ZMIZ1: variants seen among roughly 807,000 people sequenced by gnomAD.
ZMIZ1 encodes zinc finger MIZ-type containing 1.
In ZMIZ1, 17 loss-of-function variants were observed where a neutral mutation model predicts 113.9. The observed-to-expected ratio is 0.15, with a 90% CI of 0.10 to 0.22. The LOEUF is 0.22. Ranked by LOEUF, ZMIZ1 falls within the 10% of genes least tolerant of loss-of-function variation. The probability of loss-of-function intolerance (pLI) is 1.00; values close to 1 mark genes in which losing one functional copy is unlikely to be tolerated. For missense variants in ZMIZ1, 1,059 were observed against 1,477.8 expected, an observed-to-expected ratio of 0.72 and a Z score of 4.65; for synonymous variants, 607 against 603.1, an observed-to-expected ratio of 1.01 and a Z score of -0.09.
intron 7 of ZMIZ1, among the ~76,000 whole-genome samples, chr10:79,265,403 G>C (rs113394217): frequency 0.012 from 1,758 of 151,936 alleles, 40 homozygotes; most frequent in African/African-American, 0.04. Context: ...GGGGGTGGGG[G>C]CAGCAGAGAC....
chr10:79,300,517 G>A (rs547850886), intron 16 of ZMIZ1, among the ~76,000 whole-genome samples: 5 of 152,232 alleles, frequency 3.3e-5, no homozygotes, highest in South Asian at 2.1e-4. Flanking sequence ...GGAATGATTG[G>A]TGTGCGGGGG....
chr10:79,103,981 G>A (rs11002820), intron 1 of ZMIZ1, among the ~76,000 whole-genome samples: 34,467 of 152,204 alleles, frequency 0.23, 4,177 homozygotes, highest in Non-Finnish European at 0.28. Flanking sequence ...TCCCAGCTGG[G>A]CTGACTTCTT....
At chr10:79,188,149 A>G (rs747074133) in intron 4 of ZMIZ1, among the ~76,000 whole-genome samples, 10 of 152,242 alleles carry the variant, frequency 6.6e-5, no homozygotes, top group Non-Finnish European at 1.5e-4. Flanking sequence ...GTTACTATTC[A>G]GAATTATGAA....
At chr10:79,106,447 G>A (rs1277870944) in intron 1 of ZMIZ1, among the ~76,000 whole-genome samples, 3 of 152,246 alleles carry the variant, frequency 2.0e-5, no homozygotes, top group Non-Finnish European at 4.4e-5. Context: ...GTGTGGGAAG[G>A]AAGCCTGGGG....
At chr10:79,074,363 C>G (rs540193696) in intron 1 of ZMIZ1, among the ~76,000 whole-genome samples, 41 of 152,300 alleles carry the variant, frequency 2.7e-4, no homozygotes, top group African/African-American at 8.7e-4. Context: ...GAGCCATTCT[C>G]AGGAAGGGTC....
At chr10:79,311,926 C>T (rs1410624282) in intron 24 of ZMIZ1, among the ~76,000 whole-genome samples, 1 of 152,212 alleles carries the variant, frequency 6.6e-6, no homozygotes, top group African/African-American at 2.4e-5. Flanking sequence ...GTTCTTCACC[C>T]CCAGCCCTGC....
chr10:79,279,990 T>TA (rs1400059277), intron 8 of ZMIZ1, among the ~76,000 whole-genome samples: 11 of 133,868 alleles, frequency 8.2e-5, no homozygotes, highest in African/African-American at 3.1e-4. Flanking sequence ...GTATTATTAT[T>TA]ACTTTTTTTT....
chr10:79,166,746 T>C (rs1197025117), intron 4 of ZMIZ1, among the ~76,000 whole-genome samples: 1 of 152,192 alleles, frequency 6.6e-6, no homozygotes, highest in Non-Finnish European at 1.5e-5. Flanking sequence ...TGTCCTCTCC[T>C]GAAGGGAGAG....
rs540237781 is a variant in ZMIZ1 at position 79,255,242 on chromosome 10, C to T, written c.281-21939C>T. Among the ~76,000 whole-genome samples the T allele has an allele frequency of 1.1e-4, 17 of 152,324 alleles. No homozygotes were observed. In the East Asian group the frequency reaches 1.7e-3, roughly 16 times the overall value. On this transcript the variant is annotated intron_variant, in intron 7 of 24. Transcript: ENST00000334512. Reference sequence around the variant, plus strand: ...TGCCATCTGCCACCCTGTTTCCAGGCGGCAGGTAGGTGGCCTCAGGGCAGG... The same window carrying T: ...TGCCATCTGCCACCCTGTTTCCAGGTGGCAGGTAGGTGGCCTCAGGGCAGG...
At chr10:79,167,229 T>C (rs1469595728) in intron 4 of ZMIZ1, among the ~76,000 whole-genome samples, 1 of 152,266 alleles carries the variant, frequency 6.6e-6, no homozygotes, top group African/African-American at 2.4e-5. Flanking sequence ...CCCACCAGGC[T>C]GTTTTTCATT....
chr10:79,245,798 A>C (rs1850155939), intron 7 of ZMIZ1, among the ~76,000 whole-genome samples: 1 of 152,182 alleles, frequency 6.6e-6, no homozygotes, highest in African/African-American at 2.4e-5. Context: ...TGTGAATTTC[A>C]ATTAATTAAA....
intron 1 of ZMIZ1, among the ~76,000 whole-genome samples, chr10:79,075,133 G>A (rs1465210916): frequency 6.6e-6 from 1 of 152,230 alleles, no homozygotes; most frequent in Non-Finnish European, 1.5e-5. Context: ...GCCAGCTGAG[G>A]GCCTGGGGAC....
intron 4 of ZMIZ1, among the ~76,000 whole-genome samples, chr10:79,176,145 G>C (rs1294721748): frequency 6.6e-6 from 1 of 151,964 alleles, no homozygotes; most frequent in Non-Finnish European, 1.5e-5. Context: ...TGTTCCGGAG[G>C]CCCAACGGGC....
intron 4 of ZMIZ1, among the ~76,000 whole-genome samples, chr10:79,185,710 G>C (rs1002106259): frequency 1.3e-5 from 2 of 152,156 alleles, no homozygotes. Flanking sequence ...GAGCAGGCCT[G>C]TCTTTACTCA....
intron 3 of ZMIZ1, among the ~76,000 whole-genome samples, chr10:79,146,749 C>T (rs1845501806): frequency 6.6e-6 from 1 of 152,240 alleles, no homozygotes. Context: ...CCTCCCTCTG[C>T]TCCCGCTTCC....
intron 7 of ZMIZ1, among the ~76,000 whole-genome samples, chr10:79,230,648 G>A (rs974160763): frequency 1.3e-5 from 2 of 152,170 alleles, no homozygotes; most frequent in South Asian, 2.1e-4. Flanking sequence ...CACAGACGGC[G>A]GGAAAGTGGT....
intron 1 of ZMIZ1, among the ~76,000 whole-genome samples, chr10:79,101,961 G>A (rs541610812): frequency 6.6e-6 from 1 of 152,298 alleles, no homozygotes; most frequent in African/African-American, 2.4e-5. Flanking sequence ...CAGGTCACAC[G>A]GCAAGTGGGA....
chr10:79,145,652 T>C (rs1265726018), intron 3 of ZMIZ1, among the ~76,000 whole-genome samples: 4 of 152,196 alleles, frequency 2.6e-5, no homozygotes, highest in Non-Finnish European at 5.9e-5. Context: ...ATGGAGTTAT[T>C]GTGAGAAGTC....
At chr10:79,077,356 C>T (rs570548332) in intron 1 of ZMIZ1, among the ~76,000 whole-genome samples, 3 of 152,224 alleles carry the variant, frequency 2.0e-5, no homozygotes, top group South Asian at 2.1e-4. Context: ...GCAAGTGGGA[C>T]GCGACCTTAT....
Sources: allele counts gnomAD v4.1 joint callset (sites outside exome capture counted in the v4.1 genomes callset), GRCh38; gene constraint gnomAD v4.1.1; transcripts MANE v1.5; gene names NCBI Gene and HGNC (gene_info 2026-07-23, HGNC 2026-07-21).